CTNNA2: variants seen among roughly 807,000 people sequenced by gnomAD.
The protein encoded by CTNNA2 is catenin alpha-2.
In CTNNA2, 42 loss-of-function variants were observed where a neutral mutation model predicts 101.0. The ratio of observed to expected loss-of-function variants is 0.42; its 90% CI spans 0.32 to 0.54. The LOEUF is 0.54. CTNNA2 is among the 20% of genes least tolerant of loss of function. CTNNA2 has a pLI of 0.14. For synonymous variants in CTNNA2, 450 were observed against 456.4 expected, an observed-to-expected ratio of 0.99 and a Z score of 0.18; for missense variants, 871 against 1,223.1, an observed-to-expected ratio of 0.71 and a Z score of 4.29.
intron 2 of CTNNA2, among the ~76,000 whole-genome samples, chr2:79,690,370 C>G (rs950822825): frequency 6.6e-6 from 1 of 151,954 alleles, no homozygotes; most frequent in Non-Finnish European, 1.5e-5. Context: ...GAAATAAAGA[C>G]ACTTTCATAT....
chr2:80,250,300 A>G (rs981995400), intron 7 of CTNNA2, among the ~76,000 whole-genome samples: 12 of 151,988 alleles, frequency 7.9e-5, no homozygotes, highest in Admixed American at 7.2e-4. Flanking sequence ...GATGCCCAGG[A>G]GATCAGCAGC....
rs968653096 is a variant in CTNNA2 at position 79,638,800 on chromosome 2, C to T, written c.-5-12752C>T. The stretch of plus-strand genomic sequence containing the variant: ...ATAATAATTCACTAGAGCTTGCTTG[C>T]TTTAAAAATACAAGTCCTTAGGTAC... On this transcript the variant is annotated intron_variant, in intron 1 of 18. Transcript: ENST00000402739. Among the ~76,000 whole-genome samples, 10 of 152,288 alleles carry T rather than the reference C, an allele frequency of 6.6e-5. No homozygotes were observed. The South Asian group carries it at 2.1e-3, about 32-fold the overall frequency.
intron 2 of CTNNA2, among the ~76,000 whole-genome samples, chr2:79,227,388 T>C (rs929781123): frequency 1.1e-4 from 17 of 152,198 alleles, no homozygotes; most frequent in Non-Finnish European, 2.1e-4. Context: ...TGTATGCCAT[T>C]ATCTATGCAA....
At chr2:79,375,407 G>A (rs947102204) in intron 4 of CTNNA2, among the ~76,000 whole-genome samples, 20 of 152,030 alleles carry the variant, frequency 1.3e-4, no homozygotes, top group African/African-American at 4.8e-4. Context: ...AGAGCTTTTC[G>A]CCATCGTTCC....
chr2:80,588,234 C>T (rs574981757), intron 14 of CTNNA2, among the ~76,000 whole-genome samples: 5 of 152,174 alleles, frequency 3.3e-5, no homozygotes, highest in African/African-American at 1.2e-4. Context: ...CCCGCCTTCT[C>T]GTGCTCGGGG....
At chr2:80,401,256 G>A in intron 8 of CTNNA2, among the ~76,000 whole-genome samples, 1 of 152,160 alleles carries the variant, frequency 6.6e-6, no homozygotes, top group East Asian at 1.9e-4. Context: ...TGCTGAAAGA[G>A]TGAAGAATCC....
intron 7 of CTNNA2, among the ~76,000 whole-genome samples, chr2:80,246,163 G>A (rs536527571): frequency 1.3e-5 from 2 of 152,214 alleles, no homozygotes; most frequent in African/African-American, 4.8e-5. Flanking sequence ...CAGATAGAGG[G>A]CTACCTGTTT....
At chr2:79,684,421 T>G (rs1310889108) in intron 2 of CTNNA2, among the ~76,000 whole-genome samples, 1 of 152,216 alleles carries the variant, frequency 6.6e-6, no homozygotes, top group Non-Finnish European at 1.5e-5. Context: ...AACTGTAGTT[T>G]ATTCTTAACA....
At position 80,368,828 on chromosome 2, in the gene CTNNA2, T is replaced by C. The variant is rs556427407; in HGVS notation, c.1057-24383T>C. 6.9e-5 allele frequency among the ~76,000 whole-genome samples: 10 copies of C among 145,306 alleles called. No individual in the cohort carries two copies. The South Asian group carries it at 2.2e-3, about 31-fold the overall frequency. On this transcript the variant is annotated intron_variant, in intron 7 of 18. Coordinates refer to ENST00000402739, the MANE Select transcript of CTNNA2 (RefSeq NM_001282597.3). The stretch of plus-strand genomic sequence containing the variant: ...AAATGAAAAACAGTATGTGTATATA[T>C]ATATGTGTGTGTGTATATATGTGTG...
At chr2:80,574,098 A>G (rs1027434538) in intron 12 of CTNNA2, 65 bp from the exon 13 acceptor site, 23 of 1,536,780 alleles carry the variant, frequency 1.5e-5, no homozygotes, top group Admixed American at 1.8e-5. Context: ...ACTTCGCCCA[A>G]GAGCTGGAAT....
At chr2:79,443,061 T>C (rs1249835094) in intron 4 of CTNNA2, among the ~76,000 whole-genome samples, 1 of 152,166 alleles carries the variant, frequency 6.6e-6, no homozygotes, top group Non-Finnish European at 1.5e-5. Flanking sequence ...AGAATATATG[T>C]TCTATTGGCT....
At chr2:79,287,942 A>G (rs1258463376) in intron 2 of CTNNA2, among the ~76,000 whole-genome samples, 2 of 152,186 alleles carry the variant, frequency 1.3e-5, no homozygotes, top group Admixed American at 6.5e-5. Flanking sequence ...GCGGGATATA[A>G]TCTCCTGATG....
At chr2:79,606,515 G>T (rs557212625) in intron 1 of CTNNA2, among the ~76,000 whole-genome samples, 1 of 152,102 alleles carries the variant, frequency 6.6e-6, no homozygotes, top group African/African-American at 2.4e-5. Context: ...TGATCCTCCC[G>T]CCTCAGCCTC....
intron 1 of CTNNA2, among the ~76,000 whole-genome samples, chr2:79,515,826 T>G (rs1430639): frequency 2.0e-5 from 3 of 151,952 alleles, no homozygotes; most frequent in African/African-American, 4.8e-5. Context: ...TTAAAAATAC[T>G]TGATACAATA....
At chr2:80,068,870 C>T (rs184460414) in intron 7 of CTNNA2, among the ~76,000 whole-genome samples, 7 of 152,220 alleles carry the variant, frequency 4.6e-5, no homozygotes, top group Admixed American at 6.5e-5. Context: ...AGCCATGATG[C>T]GTGGTCCATG....
chr2:79,563,416 C>A (rs1238849500), intron 1 of CTNNA2, among the ~76,000 whole-genome samples: 1 of 151,898 alleles, frequency 6.6e-6, no homozygotes. Flanking sequence ...ATAATCAGGA[C>A]AATACACTAT....
chr2:80,163,858 T>C (rs907184400), intron 7 of CTNNA2, among the ~76,000 whole-genome samples: 2 of 152,028 alleles, frequency 1.3e-5, no homozygotes, highest in Non-Finnish European at 2.9e-5. Context: ...ATATCACCTG[T>C]CTCTCTTTGA....
intron 2 of CTNNA2, among the ~76,000 whole-genome samples, chr2:79,214,716 G>A (rs571599998): frequency 1.3e-5 from 2 of 152,204 alleles, no homozygotes; most frequent in Admixed American, 1.3e-4. Context: ...TGGGGAAAAG[G>A]GCGGCAGTGA....
chr2:79,945,834 G>A (rs1469161597), intron 7 of CTNNA2, among the ~76,000 whole-genome samples: 2 of 152,136 alleles, frequency 1.3e-5, no homozygotes. Flanking sequence ...CAATGGTCAA[G>A]ACGGTCTATT....
Sources: allele counts gnomAD v4.1 joint callset (sites outside exome capture counted in the v4.1 genomes callset), GRCh38; gene constraint gnomAD v4.1.1; transcripts MANE v1.5; gene names NCBI Gene and HGNC (gene_info 2026-07-23, HGNC 2026-07-21).